KDM2A: variants seen among roughly 807,000 people sequenced by gnomAD.
KDM2A encodes lysine-specific demethylase 2A.
KDM2A carries 3 observed loss-of-function variants against 137.3 expected under a neutral mutation model. The observed-to-expected ratio is 0.02, with a 90% CI of 0.01 to 0.06. The LOEUF is 0.06. Ranked by LOEUF, KDM2A falls within the 10% of genes least tolerant of loss-of-function variation. The pLI is 1.00. For missense variants in KDM2A, 738 were observed against 1,510.6 expected, an observed-to-expected ratio of 0.49 and a Z score of 8.48; for synonymous variants, 512 against 541.5, an observed-to-expected ratio of 0.95 and a Z score of 0.76.
At chr11:67,166,185 C>CTTT (rs926802116) in intron 2 of KDM2A, among the ~76,000 whole-genome samples, 4 of 131,554 alleles carry the variant, frequency 3.0e-5, no homozygotes, top group Admixed American at 7.8e-5. Flanking sequence ...CAATATTTCT[C>CTTT]TTTTTTTTTT....
chr11:67,248,245 A>T, intron 15 of KDM2A, 36 bp from the exon 16 acceptor site: 1 of 1,432,372 alleles, frequency 7.0e-7, no homozygotes, highest in Non-Finnish European at 9.7e-7. Context: ...GAAGCTTGAG[A>T]GACAGGCTTT....
Position 67,245,658 on chromosome 11 carries a change from C to A in KDM2A, c.1833+200C>A. 1 of 640,128 alleles carries A rather than the reference C, an allele frequency of 1.6e-6. No homozygotes were observed. Among genetic ancestry groups the A allele is most frequent in the Non-Finnish European group, 2.6e-6 (1 of 378,546 alleles). 39.7% of individuals were successfully genotyped at this position (640,128 alleles called of 1,614,324 possible). On this transcript the variant is annotated intron_variant, in intron 14 of 20. Transcript: ENST00000529006. The surrounding 1 kb of genome is among the most constrained non-coding windows in gnomAD (Gnocchi z 4.1). ...CTAAAAATCCGATTTAATCTTTAGG[C>A]TTTACCTAATTTTCAAACAAGAGAT...
At chr11:67,145,549 A>AT (rs534053760) in intron 2 of KDM2A, among the ~76,000 whole-genome samples, 3,328 of 148,504 alleles carry the variant, frequency 0.022, 351 homozygotes, top group Admixed American at 0.18. Flanking sequence ...GTAGCACCCC[A>AT]TTTTTTTTTT....
chr11:67,169,887 A>C (rs1856840758), intron 2 of KDM2A, among the ~76,000 whole-genome samples: 1 of 150,606 alleles, frequency 6.6e-6, no homozygotes, highest in Admixed American at 6.7e-5. Flanking sequence ...CCTCCTGAGT[A>C]GCTGGGATTA....
chr11:67,200,596 C>T (rs1374561427), intron 5 of KDM2A, among the ~76,000 whole-genome samples: 3 of 152,106 alleles, frequency 2.0e-5, no homozygotes, highest in East Asian at 3.9e-4. Context: ...ACTGCAGGCT[C>T]AGTGTCCCTG....
At chr11:67,122,294 T>A (rs1326945160) in intron 2 of KDM2A, among the ~76,000 whole-genome samples, 4 of 152,200 alleles carry the variant, frequency 2.6e-5, no homozygotes, top group African/African-American at 7.2e-5. Context: ...TTTCTAGTGA[T>A]CCTTACTCTT....
chr11:67,253,338 G>C, intron 18 of KDM2A, 115 bp from the exon 19 acceptor site: 1 of 859,174 alleles, frequency 1.2e-6, no homozygotes. Flanking sequence ...AAAAGATTAG[G>C]CATAGTCCTT....
In KDM2A at chr11:67,255,101, T is replaced by G; in HGVS notation, c.*46T>G. 1 of 1,548,122 alleles carries G rather than the reference T, an allele frequency of 6.5e-7. No homozygotes were observed. The highest frequency in any genetic ancestry group is 8.8e-7 in the Non-Finnish European group (1 of 1,141,318). ...AACAGGAAACCGATCTTCCCCTGAC[T>G]CCCCACCGAGGAGAGCCTCTCCTCG... On this transcript the variant is annotated 3_prime_UTR_variant, in exon 21 of 21. Coordinates refer to ENST00000529006, the MANE Select transcript of KDM2A (RefSeq NM_012308.3).
chr11:67,206,624 T>C (rs1857812518), intron 5 of KDM2A, among the ~76,000 whole-genome samples: 1 of 151,826 alleles, frequency 6.6e-6, no homozygotes. Context: ...TAGTCCCAGC[T>C]ACTGTGGAGG....
At chr11:67,216,450 G>A (rs1002489570) in intron 8 of KDM2A, among the ~76,000 whole-genome samples, 7 of 152,204 alleles carry the variant, frequency 4.6e-5, no homozygotes, top group African/African-American at 2.4e-5. Context: ...TATTCATTCA[G>A]TTATATTCCA....
chr11:67,125,669 C>CT (rs1435815101), intron 2 of KDM2A, among the ~76,000 whole-genome samples: 2 of 151,470 alleles, frequency 1.3e-5, no homozygotes, highest in African/African-American at 4.9e-5. Flanking sequence ...ATCCCAGCTA[C>CT]TTGGGAGGCT....
rs1014565333 is a variant in KDM2A, at chr11:67,255,937, G to A, written c.*882G>A. The stretch of plus-strand genomic sequence containing the variant: ...TGAAGAAGGCTTTCCCAGGATGCAC[G>A]TCCTCAGAGGGAGCAGCCTATCTCC... On this transcript the variant is annotated 3_prime_UTR_variant, in exon 21 of 21. Transcript: ENST00000529006. The A allele has an allele frequency of 3.9e-5, 9 of 231,294 alleles. No individual in the cohort carries two copies. The highest frequency in any genetic ancestry group is 5.3e-5 in the Non-Finnish European group (6 of 114,152). The allele number at this position is 231,294 out of a possible 1,614,324, so 14.3% of individuals were successfully genotyped here. A position where few individuals can be genotyped will look rare whatever the true frequency, so the allele number is the denominator to read the frequency against.
At chr11:67,205,007 A>G (rs1857759458) in intron 5 of KDM2A, among the ~76,000 whole-genome samples, 1 of 152,094 alleles carries the variant, frequency 6.6e-6, no homozygotes, top group African/African-American at 2.4e-5. Flanking sequence ...CAATTCTTTT[A>G]GATATATGCC....
intron 12 of KDM2A, among the ~76,000 whole-genome samples, chr11:67,234,808 T>TCACCACTGCACTCC (rs1178184546): frequency 1.3e-5 from 2 of 152,156 alleles, no homozygotes; most frequent in Non-Finnish European, 2.9e-5. Context: ...AGCTGTGATC[T>TCACCACTGCACTCC]CACCACTGCA....
chr11:67,249,430 T>C (rs1859340709), intron 16 of KDM2A, among the ~76,000 whole-genome samples: 1 of 152,232 alleles, frequency 6.6e-6, no homozygotes, highest in African/African-American at 2.4e-5. Flanking sequence ...AATGTCTCCT[T>C]GCAAAAAACC....
intron 5 of KDM2A, among the ~76,000 whole-genome samples, chr11:67,187,479 T>C (rs1473907350): frequency 6.6e-6 from 1 of 152,140 alleles, no homozygotes; most frequent in African/African-American, 2.4e-5. Context: ...ATGCAAACAG[T>C]AACCAAAAGA....
intron 2 of KDM2A, among the ~76,000 whole-genome samples, chr11:67,128,596 C>T (rs1192959381): frequency 6.6e-6 from 1 of 152,060 alleles, no homozygotes; most frequent in African/African-American, 2.4e-5. Context: ...CAGATAATGA[C>T]AACTAATTTT....
chr11:67,148,524 G>A (rs1856308751), intron 2 of KDM2A, among the ~76,000 whole-genome samples: 1 of 152,038 alleles, frequency 6.6e-6, no homozygotes, highest in African/African-American at 2.4e-5. Context: ...AATCCGGCCG[G>A]GCGTGGTGGC....
chr11:67,227,977 A>G (rs1858598804), intron 10 of KDM2A, 60 bp from the exon 11 acceptor site: 1 of 1,531,426 alleles, frequency 6.5e-7, no homozygotes, highest in African/African-American at 1.4e-5. Context: ...CAGTAATTCC[A>G]TTTGTTGTAC....
Sources: allele counts gnomAD v4.1 joint callset (sites outside exome capture counted in the v4.1 genomes callset), GRCh38; gene constraint gnomAD v4.1.1; non-coding constraint Gnocchi (gnomAD v3.1); transcripts MANE v1.5; gene names NCBI Gene and HGNC (gene_info 2026-07-23, HGNC 2026-07-21).